The following USP15 variants were observed in gnomAD, a reference collection of about 807,000 sequenced individuals.
USP15 encodes ubiquitin specific peptidase 15.
In USP15, 18 loss-of-function variants were observed where a neutral mutation model predicts 127.1. The ratio of observed to expected loss-of-function variants is 0.14; its 90% CI spans 0.10 to 0.21. USP15 has a LOEUF of 0.21. USP15 is among the 10% of genes least tolerant of loss of function. The pLI is 1.00. For synonymous variants in USP15, 364 were observed against 393.7 expected, an observed-to-expected ratio of 0.92 and a Z score of 0.89; for missense variants, 805 against 1,159.9, an observed-to-expected ratio of 0.69 and a Z score of 4.44.
intron 8 of USP15, among the ~76,000 whole-genome samples, chr12:62,362,030 G>GT (rs1235225588): frequency 2.0e-5 from 3 of 151,888 alleles, no homozygotes; most frequent in Non-Finnish European, 2.9e-5. Flanking sequence ...TTTTTATATT[G>GT]TTTTTCACTT....
chr12:62,295,744 A>G (rs1435824888), intron 2 of USP15, among the ~76,000 whole-genome samples: 2 of 152,216 alleles, frequency 1.3e-5, no homozygotes, highest in African/African-American at 2.4e-5. Context: ...ACCAGCTATA[A>G]CTGCCTACAA....
chr12:62,359,070 G>A (rs887944477), intron 8 of USP15, among the ~76,000 whole-genome samples: 2 of 151,504 alleles, frequency 1.3e-5, no homozygotes, highest in African/African-American at 4.8e-5. Context: ...AGTTACCGTG[G>A]AAAGTTTAAT....
chr12:62,264,899 C>T (rs1406340286), intron 1 of USP15, among the ~76,000 whole-genome samples: 1 of 152,070 alleles, frequency 6.6e-6, no homozygotes, highest in Non-Finnish European at 1.5e-5. Flanking sequence ...AGGGTATATA[C>T]TACATCATTT....
chr12:62,384,438 G>A (rs1592709615), intron 11 of USP15, 136 bp downstream of exon 11: 1 of 725,582 alleles, frequency 1.4e-6, no homozygotes, highest in Non-Finnish European at 2.1e-6. Flanking sequence ...ATGTTTATTT[G>A]TATAAGAGAT....
intron 1 of USP15, among the ~76,000 whole-genome samples, chr12:62,291,554 T>C (rs2063968381): frequency 6.6e-6 from 1 of 152,246 alleles, no homozygotes; most frequent in Non-Finnish European, 1.5e-5. Flanking sequence ...GTTAGTGTGA[T>C]CCTTTGAGGG....
chr12:62,373,031 A>C (rs900239194), intron 8 of USP15, among the ~76,000 whole-genome samples: 6 of 152,050 alleles, frequency 3.9e-5, no homozygotes, highest in African/African-American at 1.4e-4. Flanking sequence ...TAGTTTCAAA[A>C]CCTTATTTAA....
chr12:62,353,179 T>C (rs936420376), intron 7 of USP15, among the ~76,000 whole-genome samples: 4 of 152,096 alleles, frequency 2.6e-5, no homozygotes, highest in Admixed American at 6.6e-5. Context: ...CTTAAATTGA[T>C]TGATTTTCAT....
chr12:62,359,869 A>G (rs914151021), intron 8 of USP15, among the ~76,000 whole-genome samples: 6 of 152,288 alleles, frequency 3.9e-5, no homozygotes, highest in Admixed American at 3.3e-4. Context: ...CCTCCTGAGT[A>G]GTTATGATTA....
chr12:62,384,753 G>A (rs888141988), intron 11 of USP15, among the ~76,000 whole-genome samples: 6 of 151,606 alleles, frequency 4.0e-5, no homozygotes, highest in Non-Finnish European at 7.4e-5. Flanking sequence ...GAACTTAAAA[G>A]AAAGTAGAAA....
intron 6 of USP15, 73 bp downstream of exon 6, chr12:62,326,006 T>C: frequency 7.6e-7 from 1 of 1,318,616 alleles, no homozygotes; most frequent in Non-Finnish European, 1.1e-6. Flanking sequence ...AAATCCACAA[T>C]GATAGAAGAA....
intron 1 of USP15, among the ~76,000 whole-genome samples, chr12:62,263,433 G>A (rs147585720): frequency 4.6e-5 from 7 of 152,216 alleles, no homozygotes; most frequent in South Asian, 4.1e-4. Flanking sequence ...ATGGTAACTC[G>A]GGTAACTAAC....
chr12:62,345,069 T>C lies in USP15; in HGVS notation c.684-4152T>C, dbSNP rs189688456. Among the ~76,000 whole-genome samples the C allele has an allele frequency of 1.9e-3, 293 of 152,346 alleles. 3 individuals are homozygous for C. The highest frequency in any genetic ancestry group is 6.8e-3 in the African/African-American group (281 of 41,586). ...GGATTAACATTTGGCTGCTCGGTAC[T>C]TTTGCCGGCTTGAATTTCTCCTCAG... On this transcript the variant is annotated intron_variant, in intron 6 of 21. Coordinates refer to ENST00000280377, the MANE Select transcript of USP15 (RefSeq NM_001252078.2).
At chr12:62,402,732 A>G (rs1304894528) in intron 21 of USP15, among the ~76,000 whole-genome samples, 1 of 152,086 alleles carries the variant, frequency 6.6e-6, no homozygotes, top group Admixed American at 6.6e-5. Flanking sequence ...AGTTGTTTAG[A>G]CATTTTCTTA....
chr12:62,392,966 A>C, intron 18 of USP15, 87 bp from the exon 19 acceptor site: 1 of 1,474,716 alleles, frequency 6.8e-7, no homozygotes, highest in Non-Finnish European at 9.2e-7. Flanking sequence ...TAAATGTAGA[A>C]CTTTCCAAAC....
intron 1 of USP15, among the ~76,000 whole-genome samples, chr12:62,282,736 C>T (rs2063688926): frequency 6.6e-6 from 1 of 151,994 alleles, no homozygotes; most frequent in Non-Finnish European, 1.5e-5. Flanking sequence ...TAATAATGAC[C>T]CAAAATGCAA....
intron 2 of USP15, among the ~76,000 whole-genome samples, chr12:62,298,310 A>G (rs981306669): frequency 9.9e-5 from 15 of 151,980 alleles, no homozygotes; most frequent in African/African-American, 3.6e-4. Flanking sequence ...GGATCACATG[A>G]ACACAGGAGT....
rs937556961 is a variant in USP15, at chr12:62,322,844, G to C, written c.621+1235G>C. The stretch of plus-strand genomic sequence containing the variant: ...TTGTTTTGTGGTTTATACTCAAGCA[G>C]TACCAAACTGAGCTGCTTATAGTTC... On this transcript the variant is annotated intron_variant, in intron 5 of 21. Transcript: ENST00000280377. Among the ~76,000 whole-genome samples, 8 of 152,274 alleles carry C rather than the reference G, an allele frequency of 5.3e-5. No homozygotes were observed. In the South Asian group the frequency reaches 1.7e-3, roughly 32 times the overall value.
rs1474763777 is a variant in USP15, at chr12:62,409,389, A to G, written c.*5014A>G. ...TTTTTTTCCTAGAAATGTGTAGCAAATGTGATTTTACAAAGCAGCTAAAAA... is the reference window on the plus strand; with the variant it reads ...TTTTTTTCCTAGAAATGTGTAGCAAGTGTGATTTTACAAAGCAGCTAAAAA... On this transcript the variant is annotated 3_prime_UTR_variant, in exon 22 of 22. Coordinates refer to ENST00000280377, the MANE Select transcript of USP15 (RefSeq NM_001252078.2). The G allele has an allele frequency of 3.3e-5, 5 of 152,192 alleles. No homozygotes were observed. The highest frequency in any genetic ancestry group is 3.3e-4 in the Admixed American group (5 of 15,278). 9.4% of individuals were successfully genotyped at this position (152,192 alleles called of 1,614,324 possible).
intron 1 of USP15, among the ~76,000 whole-genome samples, chr12:62,262,756 C>T (rs958127459): frequency 3.9e-5 from 6 of 152,064 alleles, no homozygotes; most frequent in Non-Finnish European, 5.9e-5. Context: ...TCCACCTCAG[C>T]CTCCCAAAAT....
Sources: allele counts gnomAD v4.1 joint callset (sites outside exome capture counted in the v4.1 genomes callset), GRCh38; gene constraint gnomAD v4.1.1; transcripts MANE v1.5; gene names NCBI Gene and HGNC (gene_info 2026-07-23, HGNC 2026-07-21).